SMIM31: variants seen among roughly 807,000 people sequenced by gnomAD.
SMIM31 encodes small integral membrane protein 31.
intron 2 of SMIM31, among the ~76,000 whole-genome samples, chr4:164,778,994 GA>G (rs34776235): frequency 0.029 from 3,907 of 135,528 alleles, 156 homozygotes; most frequent in African/African-American, 0.095. Context: ...CACTAAACAG[GA>G]AAAAAAAAAA....
intron 1 of SMIM31, among the ~76,000 whole-genome samples, chr4:164,765,727 A>C (rs1732711935): frequency 6.6e-6 from 1 of 152,096 alleles, no homozygotes; most frequent in Non-Finnish European, 1.5e-5. Flanking sequence ...TTTGAAGGCA[A>C]GGGGGGAGTG....
intron 2 of SMIM31, among the ~76,000 whole-genome samples, chr4:164,790,260 TA>T (rs1254661532): frequency 1.3e-5 from 2 of 152,174 alleles, no homozygotes; most frequent in East Asian, 1.9e-4. Flanking sequence ...GCTAAATAAT[TA>T]CTTCACCTGC....
In SMIM31 at chr4:164,774,638, T is replaced by C. The variant is rs554948633; in HGVS notation, c.112+4083T>C. Among the ~76,000 whole-genome samples the C allele has an allele frequency of 2.6e-5, 4 of 152,334 alleles. No homozygotes were observed. In the South Asian group the frequency reaches 8.3e-4, roughly 32 times the overall value. ...TGATGCAAATGTGTCAGAAAAGTGATGCTCCCCAACCCACCCACATCAACA... is the reference window on the plus strand; with the variant it reads ...TGATGCAAATGTGTCAGAAAAGTGACGCTCCCCAACCCACCCACATCAACA... On this transcript the variant is annotated intron_variant, in intron 2 of 2. Coordinates refer to ENST00000507311, the MANE Select transcript of SMIM31 (RefSeq NM_001352885.1).
rs1297238950 is a variant in SMIM31 at position 164,802,383 on chromosome 4, G to A, written c.*1189G>A. Reference sequence around the variant, plus strand: ...CCCAAGTAACTGTGACTACAAGCATGTGTCATCACAGCCAGCTAATTTTTG... The same window carrying A: ...CCCAAGTAACTGTGACTACAAGCATATGTCATCACAGCCAGCTAATTTTTG... On this transcript the variant is annotated 3_prime_UTR_variant, in exon 3 of 3. Transcript: ENST00000507311. The A allele has an allele frequency of 1.3e-5, 2 of 152,328 alleles. No individual in the cohort carries two copies. Among genetic ancestry groups the A allele is most frequent in the African/African-American group, 2.4e-5 (1 of 41,452 alleles). The allele number at this position is 152,328 out of a possible 1,614,324, so 9.4% of individuals were successfully genotyped here.
At chr4:164,799,104 C>G (rs1733249278) in intron 2 of SMIM31, among the ~76,000 whole-genome samples, 1 of 152,178 alleles carries the variant, frequency 6.6e-6, no homozygotes, top group African/African-American at 2.4e-5. Context: ...ATTACCCAGT[C>G]TCTGGGCATG....
At chr4:164,794,546 C>T (rs1157658442) in intron 2 of SMIM31, among the ~76,000 whole-genome samples, 1 of 151,902 alleles carries the variant, frequency 6.6e-6, no homozygotes, top group African/African-American at 2.4e-5. Flanking sequence ...GTGGCTCACA[C>T]CTGTAATCCC....
At chr4:164,773,575 G>C (rs1297692031) in intron 2 of SMIM31, among the ~76,000 whole-genome samples, 1 of 152,096 alleles carries the variant, frequency 6.6e-6, no homozygotes, top group African/African-American at 2.4e-5. Flanking sequence ...CTCACTATCA[G>C]GTGAAAAGCA....
At chr4:164,788,529 G>A (rs1199514197) in intron 2 of SMIM31, among the ~76,000 whole-genome samples, 1 of 88,960 alleles carries the variant, frequency 1.1e-5, no homozygotes. Context: ...CGCTCTGGTT[G>A]CCCAGACTGG....
chr4:164,776,549 G>A (rs1031332311), intron 2 of SMIM31, among the ~76,000 whole-genome samples: 4 of 152,150 alleles, frequency 2.6e-5, no homozygotes, highest in Non-Finnish European at 5.9e-5. Context: ...TCATCCCTGT[G>A]TGAAGCCTTT....
At chr4:164,789,211 A>G (rs1733068939) in intron 2 of SMIM31, among the ~76,000 whole-genome samples, 5 of 152,210 alleles carry the variant, frequency 3.3e-5, no homozygotes. Flanking sequence ...ATAGATCTGC[A>G]AATAATTAGC....
intron 1 of SMIM31, among the ~76,000 whole-genome samples, chr4:164,758,120 A>C (rs1732591291): frequency 6.6e-6 from 1 of 151,956 alleles, no homozygotes; most frequent in Non-Finnish European, 1.5e-5. Context: ...TATTTTTGTT[A>C]ATTTATTTTT....
intron 2 of SMIM31, among the ~76,000 whole-genome samples, chr4:164,772,965 A>G (rs1490449101): frequency 6.7e-6 from 1 of 149,550 alleles, no homozygotes; most frequent in Non-Finnish European, 1.5e-5. Flanking sequence ...AGGACTCCAG[A>G]ATCTGGAGTG....
intron 1 of SMIM31, among the ~76,000 whole-genome samples, chr4:164,762,241 C>G (rs1732660313): frequency 6.6e-6 from 1 of 151,020 alleles, no homozygotes; most frequent in African/African-American, 2.4e-5. Flanking sequence ...TGGGCAAAAA[C>G]AGAATAATCT....
chr4:164,762,721 C>T (rs570036423), intron 1 of SMIM31, among the ~76,000 whole-genome samples: 16 of 149,668 alleles, frequency 1.1e-4, no homozygotes, highest in South Asian at 4.3e-4. Context: ...TGTTCAGTAT[C>T]TAATCAGAGC....
chr4:164,786,478 G>C (rs147134734), intron 2 of SMIM31, among the ~76,000 whole-genome samples: 2 of 128,536 alleles, frequency 1.6e-5, no homozygotes, highest in African/African-American at 6.6e-5. Context: ...AGAAACCCTA[G>C]GATTTATGGA....
Position 164,771,412 on chromosome 4 carries a change from C to A in SMIM31, c.112+857C>A, listed in dbSNP as rs4407454. ...ATTTCCCTCACCAGGACAGGAAGCC[C>A]GGAGGTAGTGAGTTCAAGGCTGACG... On this transcript the variant is annotated intron_variant, in intron 2 of 2. Coordinates refer to ENST00000507311, the MANE Select transcript of SMIM31 (RefSeq NM_001352885.1). 2.0e-5 allele frequency among the ~76,000 whole-genome samples: 3 copies of A among 152,028 alleles called. No individual in the cohort carries two copies. In the South Asian group the frequency reaches 6.2e-4, roughly 32 times the overall value.
At chr4:164,775,566 G>A (rs563313644) in intron 2 of SMIM31, among the ~76,000 whole-genome samples, 16 of 152,236 alleles carry the variant, frequency 1.1e-4, no homozygotes, top group African/African-American at 3.9e-4. Context: ...TTTGATCTCT[G>A]GATTTGAGGT....
In SMIM31 at chr4:164,762,195, C is replaced by T. The variant is rs1029185405; in HGVS notation, c.-26+7784C>T. 2.6e-5 allele frequency among the ~76,000 whole-genome samples: 4 copies of T among 151,426 alleles called. No homozygotes were observed. In the Admixed American group the frequency reaches 2.6e-4, roughly 10 times the overall value. ...TGTGAAGCTTATGACTGAAAGGGGA[C>T]TATAAATATATCTTCCTTTAAATGG... On this transcript the variant is annotated intron_variant, in intron 1 of 2. Transcript: ENST00000507311.
intron 2 of SMIM31, among the ~76,000 whole-genome samples, chr4:164,771,629 G>A (rs1317953340): frequency 1.3e-5 from 2 of 150,824 alleles, no homozygotes; most frequent in African/African-American, 2.4e-5. Flanking sequence ...GTGAAACCCC[G>A]TCTCTACTAA....
Sources: allele counts gnomAD v4.1 joint callset (sites outside exome capture counted in the v4.1 genomes callset), GRCh38; gene constraint gnomAD v4.1.1; transcripts MANE v1.5; gene names NCBI Gene and HGNC (gene_info 2026-07-23, HGNC 2026-07-21).